Variants in TNN observed in about 807,000 individuals in gnomAD.
TNN encodes the protein tenascin N, also known as tenascin-N.
Under a neutral mutation model 134.4 loss-of-function variants are expected in TNN, and 122 were observed. The ratio of observed to expected loss-of-function variants is 0.91; its 90% confidence interval spans 0.78 to 1.06. TNN has a LOEUF of 1.06. Among genes scored for constraint, TNN ranks in the 50% least tolerant of loss-of-function variants. The pLI, the probability that TNN is intolerant of heterozygous loss-of-function variation, is 0.00. For missense variants in TNN, 1,739 were observed against 1,699.4 expected (o/e 1.02, Z -0.41); for synonymous variants, 710 against 670.3 (o/e 1.06, Z -0.91).
In TNN at chr1:175,105,502, T is replaced by C. The variant is rs552437449; in HGVS notation, c.2119+6907T>C. The stretch of plus-strand genomic sequence containing the variant: ...AGCTGAGGGGTCCTCCTGTGGGATG[T>C]AAATTGCAAGCTTTGCATAGTTGTG... On this transcript the variant is annotated intron_variant, in intron 9 of 18. Coordinates refer to ENST00000239462, the MANE Select transcript of TNN (RefSeq NM_022093.2). Among the ~76,000 whole-genome samples, 6 of 145,820 alleles carry C rather than the reference T, an allele frequency of 4.1e-5. 2 individuals are homozygous for C. The highest frequency in any genetic ancestry group is 4.6e-4 in the South Asian group (2 of 4,334).
intron 8 of TNN, among the ~76,000 whole-genome samples, chr1:175,097,918 T>A (rs1179708316): frequency 1.3e-5 from 2 of 152,172 alleles, no homozygotes; most frequent in Non-Finnish European, 2.9e-5. Context: ...ATAGTAACAA[T>A]GCTTTTAGCA....
chr1:175,068,409 C>A (rs547756968), intron 1 of TNN, among the ~76,000 whole-genome samples: 24 of 152,188 alleles, frequency 1.6e-4, no homozygotes, highest in African/African-American at 5.8e-4. Flanking sequence ...GATTAGGAAG[C>A]TATGATAACT....
chr1:175,144,331 A>G, intron 17 of TNN, 56 bp from the exon 18 acceptor site: 1 of 1,551,274 alleles, frequency 6.4e-7, no homozygotes, highest in South Asian at 1.2e-5. Context: ...TCCTCTTTTG[A>G]TCATCTCCTC....
At chr1:175,087,170 G>T (rs1674338850) in intron 6 of TNN, among the ~76,000 whole-genome samples, 2 of 152,182 alleles carry the variant, frequency 1.3e-5, no homozygotes, top group African/African-American at 4.8e-5. Context: ...GGACATGCCT[G>T]GGAGAAAGAA....
intron 15 of TNN, 120 bp from the exon 16 acceptor site, chr1:175,135,725 G>A (rs2101850346): frequency 1.3e-6 from 1 of 744,958 alleles, no homozygotes; most frequent in Admixed American, 2.1e-5. Context: ...AGCCTCTCTA[G>A]AATGAAAGGC....
intron 17 of TNN, among the ~76,000 whole-genome samples, chr1:175,141,240 A>G (rs1423671142): frequency 1.3e-5 from 2 of 152,226 alleles, no homozygotes; most frequent in Non-Finnish European, 2.9e-5. Flanking sequence ...CACCATTAAG[A>G]TGTTATTCAT....
Position 175,105,887 on chromosome 1 carries a change from G to A in TNN, c.2119+7292G>A, listed in dbSNP as rs957938312. 2.1e-5 allele frequency among the ~76,000 whole-genome samples: 3 copies of A among 145,804 alleles called. 1 individual carries two copies. Among genetic ancestry groups the A allele is most frequent in the Non-Finnish European group, 4.6e-5 (3 of 65,712 alleles). On this transcript the variant is annotated intron_variant, in intron 9 of 18. Coordinates refer to ENST00000239462, the MANE Select transcript of TNN (RefSeq NM_022093.2). ...AATGGTCCTGGGACCCTGCTGATCA[G>A]AATAGTTGCATTCACCAATGCAGCA...
intron 9 of TNN, among the ~76,000 whole-genome samples, chr1:175,106,530 T>G (rs1324481766): frequency 6.9e-6 from 1 of 145,802 alleles, no homozygotes; most frequent in Non-Finnish European, 1.5e-5. Flanking sequence ...GAAATCATTC[T>G]TATAGGAGAA....
At chr1:175,097,761 C>G in intron 8 of TNN, 78 bp downstream of exon 8, 1 of 1,560,168 alleles carries the variant, frequency 6.4e-7, no homozygotes, top group Non-Finnish European at 8.7e-7. Flanking sequence ...AAGGATGTGG[C>G]CTGAGCAGAA....
In TNN at chr1:175,092,950, A is replaced by G. The variant is rs1674487495; in HGVS notation, c.1325-1040A>G. Reference sequence around the variant, plus strand: ...ACCCCCACCATCTTGCATATACACCACTGAAGCAGCCTCCTGTGTGACCTT... The same window carrying G: ...ACCCCCACCATCTTGCATATACACCGCTGAAGCAGCCTCCTGTGTGACCTT... On this transcript the variant is annotated intron_variant, in intron 6 of 18. Coordinates refer to ENST00000239462, the MANE Select transcript of TNN (RefSeq NM_022093.2). 2.0e-5 allele frequency among the ~76,000 whole-genome samples: 3 copies of G among 152,132 alleles called. No individual in the cohort carries two copies. The South Asian group carries it at 6.2e-4, about 32-fold the overall frequency.
intron 9 of TNN, among the ~76,000 whole-genome samples, chr1:175,113,158 T>G (rs1448932547): frequency 1.3e-5 from 2 of 152,220 alleles, no homozygotes; most frequent in Non-Finnish European, 2.9e-5. Context: ...AGTTTATACT[T>G]TTCTATGTTC....
At chr1:175,078,073 A>G (rs1674096373) in intron 2 of TNN, among the ~76,000 whole-genome samples, 1 of 152,278 alleles carries the variant, frequency 6.6e-6, no homozygotes, top group South Asian at 2.1e-4. Context: ...CTCCTGGCCT[A>G]TTGCTTCCAG....
At chr1:175,117,898 A>G (rs1675226875) in intron 10 of TNN, among the ~76,000 whole-genome samples, 1 of 152,226 alleles carries the variant, frequency 6.6e-6, no homozygotes, top group Non-Finnish European at 1.5e-5. Context: ...TTCTTATTTT[A>G]GTGGAAGCGA....
At chr1:175,110,866 A>G (rs1675000134) in intron 9 of TNN, among the ~76,000 whole-genome samples, 1 of 152,166 alleles carries the variant, frequency 6.6e-6, no homozygotes, top group African/African-American at 2.4e-5. Flanking sequence ...CTGTGGTTCC[A>G]TATGAATTTT....
intron 11 of TNN, 57 bp downstream of exon 11, chr1:175,118,881 C>A (rs1233369427): frequency 6.2e-7 from 1 of 1,600,112 alleles, no homozygotes. Flanking sequence ...TGATCTATTG[C>A]AGCTGAGTGA....
intron 6 of TNN, among the ~76,000 whole-genome samples, chr1:175,088,398 CA>C (rs1674368186): frequency 6.6e-6 from 1 of 152,186 alleles, no homozygotes; most frequent in Admixed American, 6.5e-5. Context: ...CAAAACCAAA[CA>C]TGTGTTTCTT....
At chr1:175,079,242 A>AT in intron 2 of TNN, 91 bp from the exon 3 acceptor site, 1 of 1,428,636 alleles carries the variant, frequency 7.0e-7, no homozygotes, top group Non-Finnish European at 9.2e-7. Flanking sequence ...GGGGCTAATG[A>AT]TTTCTGGGTC....
intron 9 of TNN, among the ~76,000 whole-genome samples, chr1:175,106,666 T>G (rs1009786952): frequency 1.4e-5 from 2 of 146,290 alleles, no homozygotes; most frequent in African/African-American, 4.9e-5. Flanking sequence ...ATAGATAGGA[T>G]AGATAGGCGA....
Position 175,147,162 on chromosome 1 carries a change from CAGAT to C in TNN, c.*94_*97del. 8.1e-7 allele frequency: 1 copy of C among 1,242,176 alleles called. No individual in the cohort carries two copies. Among genetic ancestry groups the C allele is most frequent in the Non-Finnish European group, 1.1e-6 (1 of 943,386 alleles). 76.9% of individuals were successfully genotyped at this position (1,242,176 alleles called of 1,614,324 possible). A position where few individuals can be genotyped will look rare whatever the true frequency, so the allele number is the denominator to read the frequency against. On this transcript the variant is annotated 3_prime_UTR_variant, in exon 19 of 19. Coordinates refer to ENST00000239462, the MANE Select transcript of TNN (RefSeq NM_022093.2). ...GTGGTCACTGCGGTCTGGGAGTGCT[CAGAT>C]AGCCCGCAGAACAAATCATGTCACC... is the stretch of plus-strand genomic sequence containing the variant.
Sources: allele counts gnomAD v4.1 joint callset (sites outside exome capture counted in the v4.1 genomes callset), GRCh38; gene constraint gnomAD v4.1.1; transcripts MANE v1.5; gene names NCBI Gene and HGNC (gene_info 2026-07-23, HGNC 2026-07-21).